The following MB21D2 variants were observed in gnomAD, a reference collection of about 807,000 sequenced individuals.
MB21D2 encodes the protein nucleotidyltransferase MB21D2.
A neutral mutation model predicts 33.3 loss-of-function variants in MB21D2; 9 were observed. The ratio of observed to expected loss-of-function variants is 0.27; its 90% CI spans 0.16 to 0.47. The LOEUF (loss-of-function observed/expected upper bound fraction) is 0.47. MB21D2 is among the 20% of genes least tolerant of loss of function. The probability of loss-of-function intolerance (pLI) is 0.99; values close to 1 mark genes in which losing one functional copy is unlikely to be tolerated. For missense variants in MB21D2, 540 were observed against 624.6 expected (o/e 0.86, Z 1.44); for synonymous variants, 241 against 236.3 (o/e 1.02, Z -0.18).
At chr3:192,902,186 C>T (rs137864594) in intron 1 of MB21D2, among the ~76,000 whole-genome samples, 2 of 152,254 alleles carry the variant, frequency 1.3e-5, no homozygotes, top group East Asian at 1.9e-4. Context: ...AATTAGCAAC[C>T]GGCTTTCAGG....
intron 1 of MB21D2, among the ~76,000 whole-genome samples, chr3:192,849,833 C>A (rs1206190697): frequency 6.6e-6 from 1 of 152,074 alleles, no homozygotes; most frequent in Non-Finnish European, 1.5e-5. Context: ...TCCCAAGGAC[C>A]TAGAACAACT....
chr3:192,890,779 C>A (rs371239329), intron 1 of MB21D2, among the ~76,000 whole-genome samples: 1 of 151,980 alleles, frequency 6.6e-6, no homozygotes, highest in Non-Finnish European at 1.5e-5. Flanking sequence ...TACGTCATAA[C>A]GATCCTCCTC....
chr3:192,893,705 C>T (rs536614828), intron 1 of MB21D2, among the ~76,000 whole-genome samples: 6 of 152,296 alleles, frequency 3.9e-5, no homozygotes, highest in East Asian at 1.9e-4. Context: ...TTCTCCCTTT[C>T]GAAACCAGTG....
intron 1 of MB21D2, among the ~76,000 whole-genome samples, chr3:192,894,457 G>A (rs1049654149): frequency 3.3e-5 from 5 of 152,018 alleles, no homozygotes; most frequent in African/African-American, 4.8e-5. Context: ...CGTGGTTTCC[G>A]CAGCTTTTTG....
intron 1 of MB21D2, among the ~76,000 whole-genome samples, chr3:192,871,788 AT>A (rs1193916565): frequency 6.6e-6 from 1 of 152,028 alleles, no homozygotes; most frequent in African/African-American, 2.4e-5. Context: ...GGGAAGTGAC[AT>A]GATGGGGATG....
intron 1 of MB21D2, among the ~76,000 whole-genome samples, chr3:192,910,596 T>C (rs894689312): frequency 6.6e-6 from 1 of 152,254 alleles, no homozygotes. Context: ...TTTCAACTTA[T>C]AGCTCCTCTT....
intron 1 of MB21D2, among the ~76,000 whole-genome samples, chr3:192,870,872 T>C (rs1443740948): frequency 6.6e-6 from 1 of 152,108 alleles, no homozygotes; most frequent in Non-Finnish European, 1.5e-5. Context: ...CAACTGGGAA[T>C]GGTTTCCTGT....
intron 1 of MB21D2, among the ~76,000 whole-genome samples, chr3:192,887,894 T>C (rs1039593605): frequency 6.6e-6 from 1 of 151,956 alleles, no homozygotes; most frequent in Non-Finnish European, 1.5e-5. Flanking sequence ...AAGGCTTGGG[T>C]GGGGCCTGAA....
At chr3:192,873,742 C>T (rs1713369200) in intron 1 of MB21D2, among the ~76,000 whole-genome samples, 1 of 152,130 alleles carries the variant, frequency 6.6e-6, no homozygotes, top group Non-Finnish European at 1.5e-5. Context: ...CTCGCTCTGT[C>T]AACAGGCTGG....
In MB21D2 at chr3:192,870,097, C is replaced by T. The variant is rs181191592; in HGVS notation, c.211+47533G>A. On this transcript the variant is annotated intron_variant, in intron 1 of 1. Coordinates refer to ENST00000392452, the MANE Select transcript of MB21D2 (RefSeq NM_178496.4). The stretch of plus-strand genomic sequence containing the variant: ...AATTACACAACCAAATACGGATGCT[C>T]TTGGCCCACGACTGCTTAGACACAC... Among the ~76,000 whole-genome samples the T allele has an allele frequency of 8.5e-5, 13 of 152,270 alleles. No individual in the cohort carries two copies. In the East Asian group the frequency reaches 2.3e-3, roughly 27 times the overall value.
intron 1 of MB21D2, among the ~76,000 whole-genome samples, chr3:192,889,344 C>T (rs930062271): frequency 2.6e-5 from 4 of 152,006 alleles, no homozygotes; most frequent in African/African-American, 4.8e-5. Flanking sequence ...TGGTGAGTAG[C>T]TTGGAATGGC....
Position 192,799,226 on chromosome 3 carries a change from C to A in MB21D2, c.636G>T (p.Lys212Asn). 1.2e-6 allele frequency: 2 copies of A among 1,614,150 alleles called. No individual in the cohort carries two copies. Among genetic ancestry groups the A allele is most frequent in the Non-Finnish European group, 1.7e-6 (2 of 1,180,022 alleles). Residue 212 changes from lysine to asparagine, a missense_variant, in exon 2 of 2, where the codon AAG becomes AAT. Transcript: ENST00000392452. This position sits in a 1 kb window ranked among gnomAD's most constrained non-coding sequence, Gnocchi z 4.1. Reference protein sequence around the residue: ...KPQRGMPKVEKVEKNGTIISI... With the variant: ...KPQRGMPKVENVEKNGTIISI... ...AGATGATGGTCCCATTTTTTTCCAC[C>A]TTTTCTACCTTTGGCATCCCTCGCT...
intron 1 of MB21D2, among the ~76,000 whole-genome samples, chr3:192,901,151 G>A (rs1714091839): frequency 6.6e-6 from 1 of 152,088 alleles, no homozygotes; most frequent in African/African-American, 2.4e-5. Flanking sequence ...GAGACATTAG[G>A]TGGATCATTT....
At chr3:192,813,605 TGAACAGCTCTA>T (rs1711839166) in intron 1 of MB21D2, among the ~76,000 whole-genome samples, 1 of 152,176 alleles carries the variant, frequency 6.6e-6, no homozygotes, top group South Asian at 2.1e-4. Context: ...AATTACTTGA[TGAACAGCTCTA>T]GAATTCTCAT....
chr3:192,860,203 C>T (rs2108633356), intron 1 of MB21D2, among the ~76,000 whole-genome samples: 1 of 152,332 alleles, frequency 6.6e-6, no homozygotes, highest in East Asian at 1.9e-4. Context: ...CCTCTTCACT[C>T]TTGGCTACGT....
chr3:192,822,616 AT>A (rs1368143600), intron 1 of MB21D2, among the ~76,000 whole-genome samples: 3 of 152,086 alleles, frequency 2.0e-5, no homozygotes, highest in Non-Finnish European at 1.5e-5. Context: ...TGAGCCAGTG[AT>A]TTTTCCCCGT....
At chr3:192,847,704 C>T (rs1056096903) in intron 1 of MB21D2, among the ~76,000 whole-genome samples, 1 of 152,168 alleles carries the variant, frequency 6.6e-6, no homozygotes, top group South Asian at 2.1e-4. Flanking sequence ...AGTAACTCCT[C>T]GGCCTACCTG....
At chr3:192,821,140 C>T (rs1430461792) in intron 1 of MB21D2, among the ~76,000 whole-genome samples, 1 of 152,118 alleles carries the variant, frequency 6.6e-6, no homozygotes, top group Non-Finnish European at 1.5e-5. Context: ...TGTCACTATC[C>T]ACCACCACCT....
At chr3:192,870,730 A>AG (rs202083659) in intron 1 of MB21D2, among the ~76,000 whole-genome samples, 1 of 131,400 alleles carries the variant, frequency 7.6e-6, no homozygotes, top group Admixed American at 7.8e-5. Flanking sequence ...GGAAGGAGAG[A>AG]AGAAGGAAGG....
Sources: gnomAD v4.1 joint callset for allele counts (sites outside exome capture counted in the v4.1 genomes callset) on GRCh38, gnomAD v4.1.1 for gene constraint, Gnocchi (gnomAD v3.1) non-coding constraint, MANE v1.5 for transcripts, NCBI Gene and HGNC (gene_info 2026-07-23, HGNC 2026-07-21) for gene names.